ZNF814: variants seen among roughly 807,000 people sequenced by gnomAD.
ZNF814 encodes zinc finger protein 814.
A neutral mutation model predicts 7.5 loss-of-function variants in ZNF814; 5 were observed. The ratio of observed to expected loss-of-function variants is 0.67; its 90% CI spans 0.35 to 1.40. The LOEUF is 1.40. ZNF814 is among the 40% of genes most tolerant of loss of function. ZNF814 has a pLI of 0.04. For missense variants in ZNF814, 962 were observed against 1,018.0 expected, an observed-to-expected ratio of 0.94 and a Z score of 0.75; for synonymous variants, 315 against 340.7, an observed-to-expected ratio of 0.92 and a Z score of 0.83.
the ZNF814 span, among the ~76,000 whole-genome samples, chr19:57,899,753 C>G: frequency 6.6e-6 from 1 of 152,188 alleles, no homozygotes; most frequent in East Asian, 1.9e-4. Context: ...CATTCACCTA[C>G]AGGAGTTATT....
At chr19:57,895,555 T>C in the ZNF814 span, among the ~76,000 whole-genome samples, 1 of 151,996 alleles carries the variant, frequency 6.6e-6, no homozygotes, top group East Asian at 1.9e-4. Flanking sequence ...AAATTACAGG[T>C]GTGAGTCACC....
chr19:57,904,741 A>G, the ZNF814 span, among the ~76,000 whole-genome samples: 1 of 152,160 alleles, frequency 6.6e-6, no homozygotes, highest in South Asian at 2.1e-4. Flanking sequence ...CTGTTTGTAG[A>G]CTTAATACCC....
upstream of ZNF814, among the ~76,000 whole-genome samples, chr19:57,890,051 C>T (rs1203778988): frequency 6.6e-6 from 1 of 151,866 alleles, no homozygotes; most frequent in Non-Finnish European, 1.5e-5. Context: ...CCAAAGGCTA[C>T]AGATCCAAAT....
intron 1 of ZNF814, 68 bp from the exon 2 acceptor site, chr19:57,877,110 C>T (rs2071613527): frequency 6.3e-7 from 1 of 1,590,514 alleles, no homozygotes; most frequent in African/African-American, 1.3e-5. Flanking sequence ...CCATCTCTCC[C>T]ACACATCTAC....
chr19:57,878,053 C>A (rs1030398339), intron 1 of ZNF814, among the ~76,000 whole-genome samples: 2 of 150,710 alleles, frequency 1.3e-5, no homozygotes, highest in Non-Finnish European at 2.9e-5. Context: ...GTGATCCCAG[C>A]TACTTGGGAG....
Position 57,888,749 on chromosome 19 carries a change from A to T in ZNF814, c.36+18T>A. 6.4e-7 allele frequency: 1 copy of T among 1,553,888 alleles called. No individual in the cohort carries two copies. Among genetic ancestry groups the T allele is most frequent in the Non-Finnish European group, 8.7e-7 (1 of 1,148,228 alleles). ...TGACGATGAGGTGACCTGAGGACAC[A>T]GAAGGCCCCACAATTACCTGAGCGG... On this transcript the variant is annotated intron_variant, in intron 1 of 2. Transcript: ENST00000435989.
Position 57,874,863 on chromosome 19 carries a change from C to G in ZNF814, c.527G>C (p.Gly176Ala). 6.2e-7 allele frequency: 1 copy of G among 1,614,096 alleles called. No homozygotes were observed. Among genetic ancestry groups the G allele is most frequent in the Non-Finnish European group, 8.5e-7 (1 of 1,180,016 alleles). The change falls in exon 3 of 3, where the codon GGG (glycine) becomes GCG (alanine). Residue 176 changes from glycine (G) to alanine (A), a missense_variant. Gly to Ala is a moderately conservative substitution (Grantham distance 60, BLOSUM62 0). Around this residue, in one of 7 missense-constraint regions of ZNF814, gnomAD observed 126 missense variants for 123.5 expected, o/e 1.02. Coordinates refer to ENST00000435989, the MANE Select transcript of ZNF814 (RefSeq NM_001144989.2). ...TCCTGACCTGGGCAAAAAGTCCTTC[C>G]CACTCTCACTGAAGACAGATGACTC... ...SGESSVFSES[G>A]KDFLPRSGLL... is the part of the protein sequence containing the mutation.
chr19:57,877,036 C>T lies in ZNF814; in HGVS notation c.43G>A (p.Val15Met). The change falls in exon 2 of 3, where the codon GTG becomes ATG. Residue 15 changes from valine to methionine, a missense_variant. Physicochemically the swap from Val to Met is conservative, Grantham distance 21. This residue lies in a region of ZNF814 where 63 missense variants were observed against 65.0 expected (regional missense o/e 0.97). Transcript: ENST00000435989. ...TTCACAGCCACATCTTCAAAAGTCA[C>T]TGTGCCCTGTTATGATGTTGACAGA... Reference protein sequence around the residue: ...ATLRLSAQGTVTFEDVAVNFT... With the variant: ...ATLRLSAQGTMTFEDVAVNFT... The T allele has an allele frequency of 6.2e-7, 1 of 1,614,104 alleles. No homozygotes were observed. Among genetic ancestry groups the T allele is most frequent in the African/African-American group, 1.3e-5 (1 of 75,054 alleles).
In ZNF814 at chr19:57,873,636, A is replaced by G. The variant is rs2071576554; in HGVS notation, c.1754T>C (p.Phe585Ser). The G allele has an allele frequency of 6.2e-7, 1 of 1,613,984 alleles. No homozygotes were observed. The highest frequency in any genetic ancestry group is 8.5e-7 in the Non-Finnish European group (1 of 1,179,982). Reference protein sequence around the residue: ...SYGCGECGKSFSSIGHLRSHQ... With the variant: ...SYGCGECGKSSSSIGHLRSHQ... ...GCTCCTAAGGTGCCCGATTGAACTA[A>G]AAGATTTCCCACATTCTCCACACCC... The change falls in exon 3 of 3, where the codon TTT becomes TCT. Residue 585 changes from phenylalanine (F) to serine (S), a missense_variant. Phe to Ser is a radical substitution (Grantham distance 155). This residue lies in a region of ZNF814 where 665 missense variants were observed against 551.4 expected (regional missense o/e 1.21). Coordinates refer to ENST00000435989, the MANE Select transcript of ZNF814 (RefSeq NM_001144989.2).
At chr19:57,887,083 G>A (rs1204054616) in intron 1 of ZNF814, among the ~76,000 whole-genome samples, 1 of 152,020 alleles carries the variant, frequency 6.6e-6, no homozygotes, top group Non-Finnish European at 1.5e-5. Flanking sequence ...CAGCTACTGG[G>A]AGGCTGAGGC....
Position 57,887,263 on chromosome 19 carries a change from T to A in ZNF814, c.36+1504A>T, listed in dbSNP as rs182646943. ...GTCACAAACAAGGAAACTCTTCCACTATCAGTTCTCACCAGAGTATTCTGT... is the reference window on the plus strand; with the variant it reads ...GTCACAAACAAGGAAACTCTTCCACAATCAGTTCTCACCAGAGTATTCTGT... On this transcript the variant is annotated intron_variant, in intron 1 of 2. Transcript: ENST00000435989. Among the ~76,000 whole-genome samples, 117 of 152,338 alleles carry A rather than the reference T, an allele frequency of 7.7e-4. 1 individual carries two copies. The highest frequency in any genetic ancestry group is 2.6e-3 in the African/African-American group (109 of 41,590).
At chr19:57,903,290 C>A in the ZNF814 span, among the ~76,000 whole-genome samples, 1 of 152,148 alleles carries the variant, frequency 6.6e-6, no homozygotes, top group Non-Finnish European at 1.5e-5. Flanking sequence ...CTCATCTGTG[C>A]AAACTGTCAA....
upstream of ZNF814, among the ~76,000 whole-genome samples, chr19:57,893,053 G>A (rs1489290464): frequency 1.3e-5 from 2 of 152,132 alleles, no homozygotes; most frequent in African/African-American, 4.8e-5. Context: ...TTGCAGATTG[G>A]CCCCCAAGGG....
Position 57,872,392 on chromosome 19 carries a change from A to G in ZNF814, c.*430T>C. 4.5e-6 allele frequency: 1 copy of G among 224,068 alleles called. No homozygotes were observed. The highest frequency in any genetic ancestry group is 8.8e-6 in the Non-Finnish European group (1 of 113,912). The allele number at this position is 224,068 out of a possible 1,614,324, so 13.9% of individuals were successfully genotyped here. On this transcript the variant is annotated 3_prime_UTR_variant, in exon 3 of 3. Transcript: ENST00000435989. ...GTGTGTTATGAAGCTAGATTTCTAC[A>G]TAAATATCTCACATGTCACACTGGT... is the stretch of plus-strand genomic sequence containing the variant.
intron 1 of ZNF814, among the ~76,000 whole-genome samples, chr19:57,888,408 T>G (rs1400025423): frequency 6.6e-6 from 1 of 152,142 alleles, no homozygotes; most frequent in Non-Finnish European, 1.5e-5. Context: ...GCTCATGACA[T>G]CCCTCCTTTC....
chr19:57,891,035 A>C (rs1379279829), upstream of ZNF814, among the ~76,000 whole-genome samples: 1 of 152,188 alleles, frequency 6.6e-6, no homozygotes, highest in Admixed American at 6.5e-5. Context: ...CGTTGCTGAT[A>C]AAACAGTTTG....
At chr19:57,896,388 TAAGA>T in the ZNF814 span, among the ~76,000 whole-genome samples, 17 of 152,204 alleles carry the variant, frequency 1.1e-4, no homozygotes, top group African/African-American at 3.9e-4. The surrounding 1 kb of genome is among the most constrained non-coding windows in gnomAD (Gnocchi z 4.2). Context: ...CAGAGGAAAT[TAAGA>T]AAGGGAAACT....
At position 57,873,961 on chromosome 19, in the gene ZNF814, G is replaced by A. The variant is rs765170851; in HGVS notation, c.1429C>T (p.Arg477Cys). 69 of 1,613,596 alleles carry A rather than the reference G, an allele frequency of 4.3e-5. 2 individuals are homozygous for A. The Middle Eastern group carries it at 5.0e-4, about 12-fold the overall frequency. Residue 477 changes from arginine to cysteine, a missense_variant, in exon 3 of 3, where the codon CGC (arginine) becomes TGC (cysteine). By Grantham distance (180) the Arg-to-Cys change is radical (BLOSUM62 -3). Coordinates refer to ENST00000435989, the MANE Select transcript of ZNF814 (RefSeq NM_001144989.2). ...ACTCGCTGATGGTGAACAAGGCTGC[G>A]CTTATGACTGAAAGATTTCACACAT... ...GECVKSFSHK[R>C]SLVHHQRVHS...
the ZNF814 span, among the ~76,000 whole-genome samples, chr19:57,903,310 T>C: frequency 6.6e-6 from 1 of 152,206 alleles, no homozygotes; most frequent in Non-Finnish European, 1.5e-5. Flanking sequence ...AATTTGTTGA[T>C]AAATGGAAAA....
Sources: allele counts gnomAD v4.1 joint callset (sites outside exome capture counted in the v4.1 genomes callset), GRCh38; gene constraint gnomAD v4.1.1; regional missense constraint gnomAD v4.1.1; non-coding constraint Gnocchi (gnomAD v3.1); transcripts MANE v1.5; gene names NCBI Gene and HGNC (gene_info 2026-07-23, HGNC 2026-07-21).